Variants in PDE4D observed in about 807,000 individuals in gnomAD.
PDE4D encodes phosphodiesterase 4D, also known as 3',5'-cyclic-AMP phosphodiesterase 4D.
Under a neutral mutation model 87.4 loss-of-function variants are expected in PDE4D, and 24 were observed. The observed-to-expected ratio is 0.27, with a 90% confidence interval of 0.20 to 0.39. The LOEUF (loss-of-function observed/expected upper bound fraction) is 0.39, where lower values mean the gene tolerates loss of function less well. Ranked by LOEUF, PDE4D falls within the 10% of genes least tolerant of loss-of-function variation. The pLI, the probability that PDE4D is intolerant of heterozygous loss-of-function variation, is 1.00. For missense variants in PDE4D, 714 were observed against 1,041.0 expected (o/e 0.69, Z 4.32); for synonymous variants, 384 against 383.2 (o/e 1.00, Z -0.02).
At chr5:60,153,737 AT>A (rs1273070306) in intron 2 of PDE4D, among the ~76,000 whole-genome samples, 2 of 152,208 alleles carry the variant, frequency 1.3e-5, no homozygotes, top group African/African-American at 4.8e-5. Flanking sequence ...CCTAGAGGAC[AT>A]TATGCTAAGT....
intron 1 of PDE4D, among the ~76,000 whole-genome samples, chr5:59,414,848 C>T (rs1165419717): frequency 6.6e-6 from 1 of 152,066 alleles, no homozygotes; most frequent in Admixed American, 6.5e-5. Flanking sequence ...CATGACAGCA[C>T]AAGGAAGGGA....
At chr5:59,298,405 G>A (rs1012585791) in intron 1 of PDE4D, among the ~76,000 whole-genome samples, 2 of 152,166 alleles carry the variant, frequency 1.3e-5, no homozygotes, top group Non-Finnish European at 1.5e-5. Flanking sequence ...GTGAGCCACC[G>A]TGCCTGGCCA....
At chr5:59,604,708 A>C (rs532463458) in intron 1 of PDE4D, among the ~76,000 whole-genome samples, 4 of 152,146 alleles carry the variant, frequency 2.6e-5, no homozygotes, top group African/African-American at 9.6e-5. Flanking sequence ...TCAAACTACA[A>C]TGAGGTATTT....
chr5:60,474,846 T>G (rs1748183557), intron 1 of PDE4D, among the ~76,000 whole-genome samples: 1 of 152,102 alleles, frequency 6.6e-6, no homozygotes, highest in Non-Finnish European at 1.5e-5. Context: ...TCAGGTCAGT[T>G]TGTCACACCC....
intron 1 of PDE4D, among the ~76,000 whole-genome samples, chr5:59,718,997 C>T (rs938622280): frequency 2.7e-5 from 4 of 149,196 alleles, no homozygotes; most frequent in African/African-American, 1.0e-4. Flanking sequence ...AAGCCAGCCA[C>T]TCTTAGAATT....
At chr5:59,668,327 C>T (rs908545534) in intron 1 of PDE4D, among the ~76,000 whole-genome samples, 1 of 152,208 alleles carries the variant, frequency 6.6e-6, no homozygotes, top group African/African-American at 2.4e-5. Context: ...ATCCTCTTTA[C>T]TGTTACATAT....
chr5:60,142,114 G>T (rs1487032904), intron 2 of PDE4D, among the ~76,000 whole-genome samples: 2 of 148,818 alleles, frequency 1.3e-5, no homozygotes, highest in Admixed American at 1.4e-4. Flanking sequence ...AAACTGCATG[G>T]AAAACAAAAA....
rs78361588 is a variant in PDE4D at position 59,582,464 on chromosome 5, C to T, written c.455+310704G>A. Among the ~76,000 whole-genome samples the T allele has an allele frequency of 5.8e-3, 882 of 152,148 alleles. 12 individuals are homozygous for T. Among genetic ancestry groups the T allele is most frequent in the African/African-American group, 0.021 (852 of 41,494 alleles). On this transcript the variant is annotated intron_variant, in intron 1 of 14. Coordinates refer to ENST00000340635, the MANE Select transcript of PDE4D (RefSeq NM_001104631.2). The stretch of plus-strand genomic sequence containing the variant: ...GATTATCTTTTCATTAGAAGGCAGG[C>T]CATTCTGACTTTCTCTGAATACGTA...
intron 6 of PDE4D, chr5:58,999,492 T>C: frequency 6.6e-7 from 1 of 1,521,888 alleles, no homozygotes. Context: ...GTCTTACCTT[T>C]ATGTAGCCCC....
chr5:59,789,662 AT>A (rs1442644070), intron 1 of PDE4D, among the ~76,000 whole-genome samples: 2 of 152,230 alleles, frequency 1.3e-5, no homozygotes, highest in Admixed American at 1.3e-4. Context: ...TATAAATGGC[AT>A]TTTAATCTAA....
intron 1 of PDE4D, among the ~76,000 whole-genome samples, chr5:59,875,385 C>T (rs1748409465): frequency 7.2e-6 from 1 of 139,066 alleles, no homozygotes; most frequent in African/African-American, 2.6e-5. Context: ...CTCTTGAACC[C>T]AGGAGACAGA....
intron 5 of PDE4D, among the ~76,000 whole-genome samples, chr5:59,066,820 G>C (rs933806970): frequency 7.9e-5 from 12 of 151,948 alleles, no homozygotes; most frequent in African/African-American, 4.8e-5. Flanking sequence ...GCCCAAGAGA[G>C]CTGCCTTGCC....
intron 1 of PDE4D, among the ~76,000 whole-genome samples, chr5:60,331,672 A>G (rs760127560): frequency 2.0e-4 from 31 of 152,154 alleles, no homozygotes; most frequent in Non-Finnish European, 4.4e-4. Flanking sequence ...CAGAATGCTC[A>G]CCCTGTGGGG....
chr5:60,153,162 C>T (rs570789518), intron 2 of PDE4D, among the ~76,000 whole-genome samples: 1 of 152,246 alleles, frequency 6.6e-6, no homozygotes, highest in South Asian at 2.1e-4. Context: ...ATATTTGGAA[C>T]CCAAACAACT....
In PDE4D at chr5:59,869,532, G is replaced by C. The variant is rs184054187; in HGVS notation, c.455+23636C>G. 1.6e-3 allele frequency among the ~76,000 whole-genome samples: 247 copies of C among 152,302 alleles called. 1 individual carries two copies. Among genetic ancestry groups the C allele is most frequent in the Non-Finnish European group, 3.0e-3 (204 of 68,022 alleles). On this transcript the variant is annotated intron_variant, in intron 1 of 14. Coordinates refer to ENST00000340635, the MANE Select transcript of PDE4D (RefSeq NM_001104631.2). ...GTAAGGATTTCCATATTTATAATGAGAGCAACAGGGAGCTGTTGAAAGGTA... is the reference window on the plus strand; with the variant it reads ...GTAAGGATTTCCATATTTATAATGACAGCAACAGGGAGCTGTTGAAAGGTA...
chr5:60,491,827 C>T (rs1396193542), upstream of PDE4D, among the ~76,000 whole-genome samples: 2 of 152,190 alleles, frequency 1.3e-5, no homozygotes, highest in African/African-American at 4.8e-5. Flanking sequence ...ATTGTTAGAC[C>T]CTGAGCAAGC....
chr5:60,073,722 A>G (rs1054721148), intron 2 of PDE4D, among the ~76,000 whole-genome samples: 21 of 152,172 alleles, frequency 1.4e-4, no homozygotes, highest in Admixed American at 4.6e-4. Flanking sequence ...TGGTCTGCTT[A>G]GGGATTCAAT....
intron 1 of PDE4D, among the ~76,000 whole-genome samples, chr5:59,663,555 T>A (rs1050104648): frequency 1.3e-5 from 2 of 152,196 alleles, no homozygotes; most frequent in Non-Finnish European, 2.9e-5. Context: ...TTTTATTTAG[T>A]CTGATGCTTG....
chr5:60,421,808 C>A (rs566728680), intron 1 of PDE4D, among the ~76,000 whole-genome samples: 1 of 152,066 alleles, frequency 6.6e-6, no homozygotes, highest in Admixed American at 6.5e-5. Context: ...AAATGTTGGA[C>A]GAATGGCAAA....
Sources: gnomAD v4.1 joint callset for allele counts (sites outside exome capture counted in the v4.1 genomes callset) on GRCh38, gnomAD v4.1.1 for gene constraint, MANE v1.5 for transcripts, NCBI Gene and HGNC (gene_info 2026-07-23, HGNC 2026-07-21) for gene names.